Variants in AFDN observed in about 807,000 individuals in gnomAD.
AFDN encodes afadin.
Under a neutral mutation model 216.6 loss-of-function variants are expected in AFDN, and 68 were observed. That is an observed-to-expected ratio of 0.31 (90% CI 0.26 to 0.38). The LOEUF is 0.38. Ranked by LOEUF, AFDN falls within the 10% of genes least tolerant of loss-of-function variation. The pLI is 1.00. For synonymous variants in AFDN, 868 were observed against 853.7 expected (o/e 1.02, Z -0.29); for missense variants, 2,136 against 2,342.0 (o/e 0.91, Z 1.82).
At chr6:167,839,527 CTG>C (rs1432165210) in intron 1 of AFDN, among the ~76,000 whole-genome samples, 4 of 152,174 alleles carry the variant, frequency 2.6e-5, no homozygotes, top group Non-Finnish European at 5.9e-5. Flanking sequence ...ATGAAGTAAT[CTG>C]TGATCTCAAG....
chr6:167,883,418 C>G (rs577802773), intron 6 of AFDN, among the ~76,000 whole-genome samples: 4 of 152,262 alleles, frequency 2.6e-5, no homozygotes, highest in African/African-American at 9.6e-5. Flanking sequence ...ACAACAAGCC[C>G]AGCACTAAGG....
At chr6:167,939,517 C>T (rs1315461047) in intron 23 of AFDN, among the ~76,000 whole-genome samples, 1 of 152,168 alleles carries the variant, frequency 6.6e-6, no homozygotes, top group Non-Finnish European at 1.5e-5. Flanking sequence ...TAGTGGATGA[C>T]CACAGATAAA....
At chr6:167,836,899 A>G (rs762077403) in intron 1 of AFDN, among the ~76,000 whole-genome samples, 2 of 152,186 alleles carry the variant, frequency 1.3e-5, no homozygotes, top group Non-Finnish European at 2.9e-5. Flanking sequence ...TCGTTGATTC[A>G]GAACTCTGCC....
At chr6:167,897,934 G>A (rs1350741328) in intron 10 of AFDN, among the ~76,000 whole-genome samples, 3 of 151,966 alleles carry the variant, frequency 2.0e-5, no homozygotes, top group Non-Finnish European at 2.9e-5. Context: ...GTGAGCCACC[G>A]CGCCTGGCCA....
At chr6:167,965,183 A>C (rs991653121) in intron 31 of AFDN, 3 of 600,464 alleles carry the variant, frequency 5.0e-6, no homozygotes, top group South Asian at 7.5e-5. Flanking sequence ...TTTCCTGTTA[A>C]TCTCCTTCCT....
At chr6:167,874,820 G>A (rs994938730) in intron 4 of AFDN, among the ~76,000 whole-genome samples, 1 of 151,904 alleles carries the variant, frequency 6.6e-6, no homozygotes, top group Non-Finnish European at 1.5e-5. Flanking sequence ...TCTCCATGTT[G>A]GTCAGGCCGG....
rs370176215 is a variant in AFDN at position 167,860,159 on chromosome 6, CT to C, written c.106-4364del. On this transcript the variant is annotated intron_variant, in intron 1 of 33. Coordinates refer to ENST00000683244, the MANE Select transcript of AFDN (RefSeq NM_001386888.1). Reference sequence around the variant, plus strand: ...TAGGTATTAAGTACCTACAGCAATGCTTTTTTTTTTTTTTTTTTTTTTTTTT... The same window carrying C: ...TAGGTATTAAGTACCTACAGCAATGCTTTTTTTTTTTTTTTTTTTTTTTTT... Among the ~76,000 whole-genome samples the C allele has an allele frequency of 1.3e-3, 106 of 79,394 alleles. 1 individual carries two copies. The East Asian group carries it at 0.019, about 14-fold the overall frequency. The allele number at this position is 79,394 out of a possible 152,430, so 52.1% of individuals were successfully genotyped here. A position where few individuals can be genotyped will look rare whatever the true frequency, so the allele number is the denominator to read the frequency against.
chr6:167,857,566 A>G (rs1219836760), intron 1 of AFDN, among the ~76,000 whole-genome samples: 2 of 152,078 alleles, frequency 1.3e-5, no homozygotes, highest in South Asian at 2.1e-4. Flanking sequence ...GTCTATGAGT[A>G]TCATTCATGG....
At chr6:167,913,342 G>T in intron 15 of AFDN, 61 bp from the exon 16 acceptor site, 1 of 1,491,066 alleles carries the variant, frequency 6.7e-7, no homozygotes, top group Non-Finnish European at 9.0e-7. Context: ...AAACTATCAT[G>T]ATTGTTTACA....
At chr6:167,841,285 A>C (rs908900199) in intron 1 of AFDN, among the ~76,000 whole-genome samples, 3 of 152,210 alleles carry the variant, frequency 2.0e-5, no homozygotes, top group African/African-American at 7.2e-5. Context: ...GGCATCCTAC[A>C]TAGGCACTTA....
rs1352803324 is a variant in AFDN at position 167,924,834 on chromosome 6, A to G, written c.3013-171A>G. 1.3e-5 allele frequency: 9 copies of G among 668,296 alleles called. No homozygotes were observed. The African/African-American group carries it at 1.4e-4, about 11-fold the overall frequency. 41.4% of individuals were successfully genotyped at this position (668,296 alleles called of 1,614,324 possible). ...AATATCGATTTAGTTTACCAGATTA[A>G]TACCTGAAGAGTATCTATATTAATT... On this transcript the variant is annotated intron_variant, in intron 22 of 33. Transcript: ENST00000683244.
chr6:167,949,042 T>C (rs1453171002), intron 29 of AFDN, among the ~76,000 whole-genome samples: 1 of 152,224 alleles, frequency 6.6e-6, no homozygotes, highest in Non-Finnish European at 1.5e-5. Context: ...GCAGTGAAGA[T>C]AGGCGGGGCC....
chr6:167,873,959 T>C (rs1448468153), intron 4 of AFDN, among the ~76,000 whole-genome samples: 1 of 152,244 alleles, frequency 6.6e-6, no homozygotes, highest in Non-Finnish European at 1.5e-5. Context: ...GATATGAATC[T>C]ACTAGACAGT....
intron 1 of AFDN, among the ~76,000 whole-genome samples, chr6:167,833,902 A>G (rs2128095382): frequency 6.6e-6 from 1 of 152,302 alleles, no homozygotes; most frequent in South Asian, 2.1e-4. Flanking sequence ...TATTTTAAAT[A>G]TTGTTATTAT....
At chr6:167,830,514 A>G (rs1314248750) in intron 1 of AFDN, among the ~76,000 whole-genome samples, 1 of 152,176 alleles carries the variant, frequency 6.6e-6, no homozygotes, top group African/African-American at 2.4e-5. Context: ...GCCAGTGAGT[A>G]TTTATGTTTT....
chr6:167,827,939 A>T (rs746821394), intron 1 of AFDN: 1 of 152,102 alleles, frequency 6.6e-6, no homozygotes, highest in Non-Finnish European at 1.5e-5. Flanking sequence ...CCTGGTAACA[A>T]TGGGGGTTGT....
intron 13 of AFDN, among the ~76,000 whole-genome samples, chr6:167,907,922 C>G (rs1278655522): frequency 6.6e-6 from 1 of 152,052 alleles, no homozygotes; most frequent in Admixed American, 6.6e-5. Flanking sequence ...TTAAATGTTG[C>G]AGAGTAATAT....
chr6:167,893,953 A>G, intron 9 of AFDN, 47 bp downstream of exon 9: 1 of 1,372,472 alleles, frequency 7.3e-7, no homozygotes, highest in Non-Finnish European at 1.0e-6. Flanking sequence ...CACTAATAGA[A>G]CCTCATGGGC....
rs773177090 is a variant in AFDN at position 167,915,427 on chromosome 6, C to G, written c.2559C>G (p.Ile853Met). 6.2e-7 allele frequency: 1 copy of G among 1,608,424 alleles called. No individual in the cohort carries two copies. The highest frequency in any genetic ancestry group is 8.5e-7 in the Non-Finnish European group (1 of 1,176,306). The change falls in exon 19 of 34, where the codon ATC (isoleucine) becomes ATG (methionine). Residue 853 changes from isoleucine to methionine, a missense_variant. By Grantham distance (10) the Ile-to-Met change is conservative. Coordinates refer to ENST00000683244, the MANE Select transcript of AFDN (RefSeq NM_001386888.1). ...CTGCGGACTGTCATCTGAGCAGGAT[C>G]GTGCAGGTGATTGCTGGTGCCACTC... is the stretch of plus-strand genomic sequence containing the variant. ...ELAADCHLSR[I>M]VQATTLLTMD...
Sources: allele counts gnomAD v4.1 joint callset (sites outside exome capture counted in the v4.1 genomes callset), GRCh38; gene constraint gnomAD v4.1.1; transcripts MANE v1.5; gene names NCBI Gene and HGNC (gene_info 2026-07-23, HGNC 2026-07-21).